Variants in ADAMTS17 observed in about 807,000 individuals in gnomAD.
The protein encoded by ADAMTS17 is A disintegrin and metalloproteinase with thrombospondin motifs 17.
In ADAMTS17, 113 loss-of-function variants were observed where a neutral mutation model predicts 141.5. The observed-to-expected ratio is 0.80, with a 90% CI of 0.69 to 0.93. The LOEUF (loss-of-function observed/expected upper bound fraction) is 0.93, where lower values mean the gene tolerates loss of function less well. Ranked by LOEUF, ADAMTS17 falls within the 40% of genes least tolerant of loss-of-function variation. The pLI is 0.00. For missense variants in ADAMTS17, 1,659 were observed against 1,517.9 expected (o/e 1.09, Z -1.54); for synonymous variants, 768 against 630.6 (o/e 1.22, Z -3.27).
chr15:100,190,320 C>G (rs546546301), intron 8 of ADAMTS17, among the ~76,000 whole-genome samples: 319 of 152,348 alleles, frequency 2.1e-3, no homozygotes, highest in Non-Finnish European at 3.7e-3. Flanking sequence ...TCTGCTGGCC[C>G]TCTCTGTCTG....
Position 100,151,253 on chromosome 15 carries a change from T to C in ADAMTS17, c.1473+1359A>G, listed in dbSNP as rs140265638. On this transcript the variant is annotated intron_variant, in intron 10 of 21. Transcript: ENST00000268070. ...GCAGGGCAGAAGCAGCACTACAGTG[T>C]GGATAAACGTCCTTTGGGGAAACAG... Among the ~76,000 whole-genome samples, 356 of 152,266 alleles carry C rather than the reference T, an allele frequency of 2.3e-3. 3 individuals are homozygous for C. Among genetic ancestry groups the C allele is most frequent in the African/African-American group, 7.8e-3 (324 of 41,564 alleles).
At chr15:100,162,139 T>C (rs947214441) in intron 8 of ADAMTS17, among the ~76,000 whole-genome samples, 6 of 152,116 alleles carry the variant, frequency 3.9e-5, no homozygotes, top group South Asian at 2.1e-4. Flanking sequence ...CAGGTAAATA[T>C]GGATAACACT....
At chr15:100,028,499 T>C (rs2029867104) in intron 18 of ADAMTS17, among the ~76,000 whole-genome samples, 1 of 152,158 alleles carries the variant, frequency 6.6e-6, no homozygotes, top group Admixed American at 6.5e-5. Flanking sequence ...TGGAATGGGG[T>C]TTTGGACACT....
chr15:99,992,858 A>G lies in ADAMTS17; in HGVS notation c.2949+190T>C, dbSNP rs2727130. ...GAGCCCCAAGGGGCAGTGCTGGTGC[A>G]GCCTGTGGGAGAAGCAGGGGAGGAA... is the stretch of plus-strand genomic sequence containing the variant. On this transcript the variant is annotated intron_variant, in intron 20 of 21. Transcript: ENST00000268070. Among the ~76,000 whole-genome samples, 19,582 of 152,268 alleles carry G rather than the reference A, an allele frequency of 0.13. 3,890 individuals are homozygous for G. The highest frequency in any genetic ancestry group is 0.43 in the African/African-American group (17,758 of 41,512).
chr15:100,164,716 C>G (rs367784723), intron 8 of ADAMTS17, among the ~76,000 whole-genome samples: 2 of 152,180 alleles, frequency 1.3e-5, no homozygotes, highest in East Asian at 1.9e-4. Context: ...AGTTCCCACC[C>G]CACTTCAACG....
At chr15:100,153,849 C>T (rs2039305321) in intron 9 of ADAMTS17, among the ~76,000 whole-genome samples, 1 of 152,144 alleles carries the variant, frequency 6.6e-6, no homozygotes, top group Non-Finnish European at 1.5e-5. Context: ...CTCACACACA[C>T]TACTTGTCAC....
At chr15:100,093,256 G>T (rs1388349999) in intron 15 of ADAMTS17, among the ~76,000 whole-genome samples, 2 of 152,120 alleles carry the variant, frequency 1.3e-5, no homozygotes, top group African/African-American at 4.8e-5. Context: ...CCACGTGTGG[G>T]TCTGCCCTGG....
chr15:99,974,210 A>AAT lies in ADAMTS17; in HGVS notation c.*191_*192insAT. On this transcript the variant is annotated 3_prime_UTR_variant, in exon 22 of 22. Transcript: ENST00000268070. ...TGCCTACTTTCTCCTCACTGTAGAA[A>AAT]GCCAGCCAGTGGCTGTTAACAATAT... The AAT allele has an allele frequency of 1.5e-6, 1 of 677,456 alleles. No homozygotes were observed. Among genetic ancestry groups the AAT allele is most frequent in the East Asian group, 2.7e-5 (1 of 36,456 alleles). The allele number at this position is 677,456 out of a possible 1,614,324, so 42.0% of individuals were successfully genotyped here.
chr15:100,100,268 T>C (rs8031843), intron 14 of ADAMTS17, among the ~76,000 whole-genome samples: 1 of 152,150 alleles, frequency 6.6e-6, no homozygotes, highest in Non-Finnish European at 1.5e-5. Flanking sequence ...CTCCTCTTGC[T>C]TCTTCGACTC....
At chr15:100,188,809 T>G (rs575909365) in intron 8 of ADAMTS17, among the ~76,000 whole-genome samples, 9 of 152,276 alleles carry the variant, frequency 5.9e-5, no homozygotes, top group African/African-American at 2.2e-4. Flanking sequence ...CTTCTAGCAC[T>G]GCACAGGCAG....
chr15:100,066,802 T>C (rs1408393181), intron 15 of ADAMTS17, among the ~76,000 whole-genome samples: 1 of 140,938 alleles, frequency 7.1e-6, no homozygotes, highest in African/African-American at 2.6e-5. Context: ...TCTTCCCTTA[T>C]GATATTGAGA....
At chr15:99,982,142 G>A (rs910714968) in intron 20 of ADAMTS17, among the ~76,000 whole-genome samples, 1 of 152,236 alleles carries the variant, frequency 6.6e-6, no homozygotes, top group Non-Finnish European at 1.5e-5. Context: ...TGGAATAGGA[G>A]CCTAGCCGGG....
At chr15:100,203,245 C>G (rs1297063568) in intron 7 of ADAMTS17, among the ~76,000 whole-genome samples, 2 of 152,162 alleles carry the variant, frequency 1.3e-5, no homozygotes, top group African/African-American at 4.8e-5. Flanking sequence ...AACAAACACA[C>G]TCTTGAAAAA....
chr15:99,981,475 GT>G (rs2060481167), intron 20 of ADAMTS17, among the ~76,000 whole-genome samples: 1 of 152,202 alleles, frequency 6.6e-6, no homozygotes, highest in Non-Finnish European at 1.5e-5. Flanking sequence ...AGTGGGCACT[GT>G]TCACACAGCT....
chr15:100,225,254 G>C (rs966032193), intron 7 of ADAMTS17, among the ~76,000 whole-genome samples: 2 of 152,198 alleles, frequency 1.3e-5, no homozygotes, highest in Non-Finnish European at 1.5e-5. Flanking sequence ...CTTTTTTTAA[G>C]AGTTGGGGAA....
At chr15:100,074,504 C>T (rs904607175) in intron 15 of ADAMTS17, among the ~76,000 whole-genome samples, 1 of 152,104 alleles carries the variant, frequency 6.6e-6, no homozygotes, top group East Asian at 1.9e-4. Context: ...GCTCTCACAC[C>T]TTGTTCTATT....
intron 18 of ADAMTS17, among the ~76,000 whole-genome samples, chr15:100,011,915 G>C (rs1479332496): frequency 1.3e-5 from 2 of 152,184 alleles, no homozygotes; most frequent in Non-Finnish European, 2.9e-5. Context: ...CCCAGTGGTG[G>C]GATTGCTGGG....
intron 15 of ADAMTS17, among the ~76,000 whole-genome samples, chr15:100,092,702 A>G (rs1381431724): frequency 2.0e-5 from 3 of 152,210 alleles, no homozygotes; most frequent in African/African-American, 4.8e-5. Context: ...TATGTGACAC[A>G]TGGATCTATC....
At chr15:100,102,309 C>T (rs1018680831) in intron 14 of ADAMTS17, among the ~76,000 whole-genome samples, 2 of 150,254 alleles carry the variant, frequency 1.3e-5, no homozygotes, top group Non-Finnish European at 3.0e-5. Context: ...GAGGGCCGAC[C>T]GAAGGGGATC....
Sources: gnomAD v4.1 joint callset for allele counts (sites outside exome capture counted in the v4.1 genomes callset) on GRCh38, gnomAD v4.1.1 for gene constraint, MANE v1.5 for transcripts, NCBI Gene and HGNC (gene_info 2026-07-23, HGNC 2026-07-21) for gene names.